The following CCDC152 variants were observed in gnomAD, a reference collection of about 807,000 sequenced individuals.
CCDC152 encodes the protein coiled-coil domain-containing protein 152.
In CCDC152, 37 loss-of-function variants were observed where a neutral mutation model predicts 38.1. The observed-to-expected ratio is 0.97, with a 90% CI of 0.75 to 1.28. The LOEUF (loss-of-function observed/expected upper bound fraction) is 1.28. Among genes scored for constraint, CCDC152 ranks in the 50% most tolerant of loss-of-function variants. The probability of loss-of-function intolerance (pLI) is 0.00; values close to 1 mark genes in which losing one functional copy is unlikely to be tolerated. For synonymous variants in CCDC152, 83 were observed against 87.1 expected (o/e 0.95, Z 0.26); for missense variants, 259 against 292.1 (o/e 0.89, Z 0.83).
chr5:42,794,226 G>A (rs1269322573), intron 6 of CCDC152, among the ~76,000 whole-genome samples: 1 of 152,140 alleles, frequency 6.6e-6, no homozygotes, highest in Non-Finnish European at 1.5e-5. Context: ...AGGCCTACAG[G>A]TAAAAAGAAA....
chr5:42,801,643 A>G lies in CCDC152; in HGVS notation c.*1862A>G. 1 of 366,096 alleles carries G rather than the reference A, an allele frequency of 2.7e-6. No homozygotes were observed. The highest frequency in any genetic ancestry group is 4.8e-6 in the Non-Finnish European group (1 of 206,504). 22.7% of individuals were successfully genotyped at this position (366,096 alleles called of 1,614,324 possible). ...TAAATTCAGTTGATCTGGGCCGAGC[A>G]TGGTGGCTCATGCCTGTAATCCCAC... On this transcript the variant is annotated 3_prime_UTR_variant, in exon 9 of 9. Transcript: ENST00000361970.
chr5:42,776,716 C>G (rs890038768), intron 4 of CCDC152, among the ~76,000 whole-genome samples: 1 of 152,108 alleles, frequency 6.6e-6, no homozygotes, highest in Non-Finnish European at 1.5e-5. Context: ...ACAATGTCTG[C>G]TGTCAGGCCA....
chr5:42,778,742 A>G (rs368960984), intron 4 of CCDC152, among the ~76,000 whole-genome samples: 4 of 152,296 alleles, frequency 2.6e-5, no homozygotes, highest in East Asian at 1.9e-4. Flanking sequence ...TACTTGACCT[A>G]TAGTTACTGA....
chr5:42,787,147 G>A (rs1393407395), intron 6 of CCDC152, among the ~76,000 whole-genome samples: 1 of 152,036 alleles, frequency 6.6e-6, no homozygotes, highest in Non-Finnish European at 1.5e-5. Flanking sequence ...ATGTTCTGTA[G>A]ATGTCTATTA....
intron 6 of CCDC152, among the ~76,000 whole-genome samples, chr5:42,784,985 T>G (rs1255451895): frequency 6.6e-6 from 1 of 152,082 alleles, no homozygotes; most frequent in Non-Finnish European, 1.5e-5. Context: ...GTACTAGTAC[T>G]ATGCTGTTTT....
chr5:42,759,030 A>C, intron 1 of CCDC152, 90 bp from the exon 2 acceptor site: 1 of 909,342 alleles, frequency 1.1e-6, no homozygotes, highest in Non-Finnish European at 1.6e-6. Flanking sequence ...AGTTGAATAT[A>C]GAAATGTTAG....
intron 4 of CCDC152, among the ~76,000 whole-genome samples, chr5:42,770,878 T>C (rs1451846549): frequency 6.6e-6 from 1 of 152,192 alleles, no homozygotes; most frequent in Non-Finnish European, 1.5e-5. Context: ...CTTAAGTATT[T>C]TTATTGCCAT....
chr5:42,792,108 C>A (rs775035306), intron 6 of CCDC152, among the ~76,000 whole-genome samples: 33 of 152,062 alleles, frequency 2.2e-4, no homozygotes, highest in Non-Finnish European at 4.4e-4. Flanking sequence ...TTAGGGAAAT[C>A]TTTAGAGCTA....
intron 6 of CCDC152, among the ~76,000 whole-genome samples, chr5:42,791,845 A>G (rs1469600124): frequency 6.6e-6 from 1 of 152,174 alleles, no homozygotes; most frequent in Non-Finnish European, 1.5e-5. Flanking sequence ...CAGCCTCAAA[A>G]TCTGTTCTCA....
At chr5:42,792,124 C>T in intron 6 of CCDC152, among the ~76,000 whole-genome samples, 1 of 152,170 alleles carries the variant, frequency 6.6e-6, no homozygotes, top group East Asian at 1.9e-4. Flanking sequence ...AGCTAGCATC[C>T]TCAGAGGCAT....
At position 42,796,938 on chromosome 5, in the gene CCDC152, A is replaced by G. The variant is rs1760083760; in HGVS notation, c.540A>G (p.Ile180Met). 1.3e-6 allele frequency: 2 copies of G among 1,523,238 alleles called. No individual in the cohort carries two copies. Among genetic ancestry groups the G allele is most frequent in the African/African-American group, 2.8e-5 (2 of 71,200 alleles). 94.4% of individuals were successfully genotyped at this position (1,523,238 alleles called of 1,614,324 possible). Reference protein sequence around the residue: ...RSQEKEKQNEIIKLQLEFDAK... With the variant: ...RSQEKEKQNEMIKLQLEFDAK... ...AAGAAAAAGAAAAACAAAATGAAAT[A>G]ATCAAGCTACAACTAGAAGTAAGTG... The change falls in exon 7 of 9, where the codon ATA (isoleucine) becomes ATG (methionine). Residue 180 changes from isoleucine (I) to methionine (M), a missense_variant. Physicochemically the swap from Ile to Met is conservative, Grantham distance 10 (BLOSUM62 1). Coordinates refer to ENST00000361970, the MANE Select transcript of CCDC152 (RefSeq NM_001134848.2).
intron 4 of CCDC152, among the ~76,000 whole-genome samples, chr5:42,775,334 A>T (rs2111557652): frequency 6.6e-6 from 1 of 152,296 alleles, no homozygotes; most frequent in East Asian, 1.9e-4. Flanking sequence ...GAGGAAAATT[A>T]TTTACCTATA....
At chr5:42,781,043 G>C (rs1367313970) in intron 5 of CCDC152, among the ~76,000 whole-genome samples, 1 of 152,132 alleles carries the variant, frequency 6.6e-6, no homozygotes, top group East Asian at 1.9e-4. Context: ...CTTCATGCCT[G>C]GAGGCTGAAA....
At chr5:42,789,524 G>A (rs1229967926) in intron 6 of CCDC152, among the ~76,000 whole-genome samples, 1 of 152,048 alleles carries the variant, frequency 6.6e-6, no homozygotes, top group African/African-American at 2.4e-5. Context: ...TTTGGGTTTT[G>A]TACCTTCCTA....
At chr5:42,799,168 T>C (rs959716392) in intron 7 of CCDC152, among the ~76,000 whole-genome samples, 1 of 152,166 alleles carries the variant, frequency 6.6e-6, no homozygotes, top group African/African-American at 2.4e-5. Context: ...CAGGTAATTT[T>C]GCCGTGCAAT....
At chr5:42,797,342 C>T (rs868592027) in intron 7 of CCDC152, among the ~76,000 whole-genome samples, 1 of 152,176 alleles carries the variant, frequency 6.6e-6, no homozygotes. Flanking sequence ...CTTTCATAGA[C>T]TTTACTACCA....
At chr5:42,792,505 T>C (rs1263529817) in intron 6 of CCDC152, among the ~76,000 whole-genome samples, 1 of 152,224 alleles carries the variant, frequency 6.6e-6, no homozygotes, top group Non-Finnish European at 1.5e-5. Context: ...ATAACTAATG[T>C]CTTGCAAGGC....
Position 42,801,516 on chromosome 5 carries a change from T to C in CCDC152, c.*1735T>C. On this transcript the variant is annotated 3_prime_UTR_variant, in exon 9 of 9. Transcript: ENST00000361970. ...ACACCTAGACATTTTATTAAAGGCTTAAAAAGAAAGCCAAACCACTGTACT... is the reference window on the plus strand; with the variant it reads ...ACACCTAGACATTTTATTAAAGGCTCAAAAAGAAAGCCAAACCACTGTACT... The C allele has an allele frequency of 1.9e-6, 1 of 537,830 alleles. No individual in the cohort carries two copies. The highest frequency in any genetic ancestry group is 3.2e-6 in the Non-Finnish European group (1 of 311,598). 33.3% of individuals were successfully genotyped at this position (537,830 alleles called of 1,614,324 possible).
chr5:42,788,997 C>T (rs1759962607), intron 6 of CCDC152, among the ~76,000 whole-genome samples: 1 of 152,196 alleles, frequency 6.6e-6, no homozygotes, highest in Non-Finnish European at 1.5e-5. Context: ...CAGTACAGCA[C>T]CCACCATCTC....
Sources: allele counts gnomAD v4.1 joint callset (sites outside exome capture counted in the v4.1 genomes callset), GRCh38; gene constraint gnomAD v4.1.1; transcripts MANE v1.5; gene names NCBI Gene and HGNC (gene_info 2026-07-23, HGNC 2026-07-21).